The following RAPGEF2 variants were observed in gnomAD, a reference collection of about 807,000 sequenced individuals.
RAPGEF2 encodes the protein Rap guanine nucleotide exchange factor 2.
A neutral mutation model predicts 186.7 loss-of-function variants in RAPGEF2; 54 were observed. The observed-to-expected ratio is 0.29, with a 90% CI of 0.23 to 0.36. The LOEUF (loss-of-function observed/expected upper bound fraction) is 0.36, where lower values mean the gene tolerates loss of function less well. Ranked by LOEUF, RAPGEF2 falls within the 10% of genes least tolerant of loss-of-function variation. The probability of loss-of-function intolerance (pLI) is 1.00; values close to 1 mark genes in which losing one functional copy is unlikely to be tolerated. For missense variants in RAPGEF2, 1,532 were observed against 2,045.0 expected, an observed-to-expected ratio of 0.75 and a Z score of 4.84; for synonymous variants, 712 against 705.9, an observed-to-expected ratio of 1.01 and a Z score of -0.14.
chr4:159,346,298 G>A (rs1730295991), intron 24 of RAPGEF2, among the ~76,000 whole-genome samples: 1 of 152,128 alleles, frequency 6.6e-6, no homozygotes, highest in Admixed American at 6.5e-5. Flanking sequence ...ATTGGCTACT[G>A]TTTGCTTGCA....
At chr4:159,241,814 G>A (rs1365237284) in intron 6 of RAPGEF2, among the ~76,000 whole-genome samples, 1 of 151,850 alleles carries the variant, frequency 6.6e-6, no homozygotes, top group Non-Finnish European at 1.5e-5. Context: ...AATGACTGCT[G>A]TCATCCCTGT....
chr4:159,308,227 G>A, intron 8 of RAPGEF2, among the ~76,000 whole-genome samples: 1 of 151,976 alleles, frequency 6.6e-6, no homozygotes, highest in East Asian at 1.9e-4. Context: ...GAGGATCCCT[G>A]TGCATCATTT....
At chr4:159,133,166 A>C (rs561895333) in intron 1 of RAPGEF2, among the ~76,000 whole-genome samples, 5 of 152,314 alleles carry the variant, frequency 3.3e-5, no homozygotes, top group Admixed American at 2.0e-4. Context: ...ATATCAGTAC[A>C]TGAAGAGCTC....
At chr4:159,340,893 A>G (rs1035494105) in intron 19 of RAPGEF2, among the ~76,000 whole-genome samples, 24 of 152,334 alleles carry the variant, frequency 1.6e-4, no homozygotes, top group African/African-American at 5.5e-4. Flanking sequence ...CTGTGTTCCC[A>G]TTTTGGCACC....
rs1301342478 is a variant in RAPGEF2, at chr4:159,117,794, G to A, written c.69+13563G>A. 2.0e-5 allele frequency among the ~76,000 whole-genome samples: 3 copies of A among 152,102 alleles called. No homozygotes were observed. In the East Asian group the frequency reaches 5.8e-4, roughly 29 times the overall value. The stretch of plus-strand genomic sequence containing the variant: ...CACAGGCTTAAAATTTCACAACACT[G>A]GGCATTGACATTTGTTCATCACCTA... On this transcript the variant is annotated intron_variant, in intron 1 of 29. Transcript: ENST00000691494.
intron 1 of RAPGEF2, among the ~76,000 whole-genome samples, chr4:159,171,778 A>G (rs1220011797): frequency 6.6e-6 from 1 of 152,118 alleles, no homozygotes; most frequent in Non-Finnish European, 1.5e-5. Flanking sequence ...GCCGGAAGTA[A>G]AAGGTAAATA....
chr4:159,342,567 T>TA (rs1729663497), intron 20 of RAPGEF2, among the ~76,000 whole-genome samples: 6 of 132,748 alleles, frequency 4.5e-5, no homozygotes, highest in African/African-American at 1.4e-4. Context: ...TTTTATTTTA[T>TA]TTTATTTTAT....
chr4:159,145,007 G>A (rs1742783697), intron 1 of RAPGEF2, among the ~76,000 whole-genome samples: 1 of 146,396 alleles, frequency 6.8e-6, no homozygotes, highest in African/African-American at 2.5e-5. Flanking sequence ...TCCCACCTCA[G>A]CCTCCCAAGA....
chr4:159,276,118 T>G (rs1758831290), intron 7 of RAPGEF2, among the ~76,000 whole-genome samples: 1 of 152,162 alleles, frequency 6.6e-6, no homozygotes, highest in South Asian at 2.1e-4. Flanking sequence ...GAGTTCCTTG[T>G]CAGTAAAGAT....
chr4:159,280,122 G>A (rs1280084251), intron 7 of RAPGEF2, among the ~76,000 whole-genome samples: 2 of 152,046 alleles, frequency 1.3e-5, no homozygotes, highest in Admixed American at 6.6e-5. Flanking sequence ...AAATAATCCT[G>A]CTTTGACTTA....
At chr4:159,169,049 T>G (rs1483170639) in intron 1 of RAPGEF2, among the ~76,000 whole-genome samples, 1 of 152,226 alleles carries the variant, frequency 6.6e-6, no homozygotes, top group African/African-American at 2.4e-5. Context: ...CAGAGTATAT[T>G]GTACCAACCT....
At chr4:159,122,911 C>T (rs1246020497) in intron 1 of RAPGEF2, among the ~76,000 whole-genome samples, 2 of 152,182 alleles carry the variant, frequency 1.3e-5, no homozygotes, top group Non-Finnish European at 2.9e-5. Flanking sequence ...AGATTAAGAT[C>T]TGCAACTGCA....
intron 7 of RAPGEF2, among the ~76,000 whole-genome samples, chr4:159,280,774 ATTATC>A (rs1759584516): frequency 6.6e-6 from 1 of 152,232 alleles, no homozygotes; most frequent in African/African-American, 2.4e-5. Flanking sequence ...CTCATTGTAT[ATTATC>A]TTCAAGCATT....
intron 4 of RAPGEF2, among the ~76,000 whole-genome samples, chr4:159,223,491 G>T (rs1290389947): frequency 6.6e-6 from 1 of 152,038 alleles, no homozygotes; most frequent in Non-Finnish European, 1.5e-5. Context: ...TAAAAATGAG[G>T]GCAATGGTTA....
At chr4:159,269,129 C>T (rs1355717849) in intron 7 of RAPGEF2, among the ~76,000 whole-genome samples, 2 of 152,040 alleles carry the variant, frequency 1.3e-5, no homozygotes, top group Non-Finnish European at 2.9e-5. Flanking sequence ...GGAAATAAGT[C>T]GCTGAGGCTT....
rs529304734 is a variant in RAPGEF2, at chr4:159,260,144, C to T, written c.543+16353C>T. ...CTGGTATTACAGGTGTGCACCACAACGACTGGCTAATTTTTTATAGAGACG... is the reference window on the plus strand; with the variant it reads ...CTGGTATTACAGGTGTGCACCACAATGACTGGCTAATTTTTTATAGAGACG... On this transcript the variant is annotated intron_variant, in intron 7 of 29. Transcript: ENST00000691494. 3.8e-3 allele frequency among the ~76,000 whole-genome samples: 573 copies of T among 152,056 alleles called. 4 individuals are homozygous for T. The highest frequency in any genetic ancestry group is 0.013 in the African/African-American group (546 of 41,504).
rs146574819 is a variant in RAPGEF2, at chr4:159,120,945, C to T, written c.69+16714C>T. On this transcript the variant is annotated intron_variant, in intron 1 of 29. Transcript: ENST00000691494. ...TCTTGGCTCACTGCAACCTCTGCCT[C>T]CTGGGTTCGAGCGATTCTCCATCCT... Among the ~76,000 whole-genome samples, 409 of 152,154 alleles carry T rather than the reference C, an allele frequency of 2.7e-3. 1 individual carries two copies. The highest frequency in any genetic ancestry group is 9.2e-3 in the African/African-American group (382 of 41,478).
intron 1 of RAPGEF2, among the ~76,000 whole-genome samples, chr4:159,156,907 G>C (rs1744193172): frequency 6.6e-6 from 1 of 152,288 alleles, no homozygotes; most frequent in Non-Finnish European, 1.5e-5. Flanking sequence ...ACCATTTGCA[G>C]AGTGTTTATA....
At chr4:159,189,918 A>G (rs1168723439) in intron 2 of RAPGEF2, among the ~76,000 whole-genome samples, 2 of 152,232 alleles carry the variant, frequency 1.3e-5, no homozygotes, top group South Asian at 2.1e-4. Flanking sequence ...AACCCCTGAC[A>G]TCACGGAACT....
Sources: gnomAD v4.1 joint callset for allele counts (sites outside exome capture counted in the v4.1 genomes callset) on GRCh38, gnomAD v4.1.1 for gene constraint, MANE v1.5 for transcripts, NCBI Gene and HGNC (gene_info 2026-07-23, HGNC 2026-07-21) for gene names.